ARHGAP8: variants seen among roughly 807,000 people sequenced by gnomAD.
The protein encoded by ARHGAP8 is rho GTPase-activating protein 8.
Under a neutral mutation model 46.1 loss-of-function variants are expected in ARHGAP8, and 62 were observed. The ratio of observed to expected loss-of-function variants is 1.34; its 90% CI spans 1.10 to 1.66. ARHGAP8 has a LOEUF of 1.66. Ranked by LOEUF, ARHGAP8 falls within the 40% of genes most tolerant of loss-of-function variation. The pLI is 0.00. For missense variants in ARHGAP8, 923 were observed against 568.4 expected, an observed-to-expected ratio of 1.62 and a Z score of -6.34; for synonymous variants, 375 against 243.1, an observed-to-expected ratio of 1.54 and a Z score of -5.05.
At chr22:44,817,631 C>A (rs774743041) in intron 5 of ARHGAP8, among the ~76,000 whole-genome samples, 4 of 151,636 alleles carry the variant, frequency 2.6e-5, no homozygotes, top group Non-Finnish European at 4.4e-5. Context: ...TGGCAAAACC[C>A]CGTCTCTACT....
At chr22:44,820,079 C>G (rs1041853186) in intron 5 of ARHGAP8, among the ~76,000 whole-genome samples, 1 of 111,598 alleles carries the variant, frequency 9.0e-6, no homozygotes, top group African/African-American at 3.8e-5. Context: ...AACTCTGAGG[C>G]CCTGGGTCTC....
intron 11 of ARHGAP8, among the ~76,000 whole-genome samples, chr22:44,861,453 T>TGGGGGGACCGGCAGCC (rs1365961391): frequency 6.7e-6 from 1 of 149,140 alleles, no homozygotes; most frequent in Non-Finnish European, 1.5e-5. Flanking sequence ...TGCAACGGGC[T>TGGGGGGACCGGCAGCC]TGGGGGACCG....
chr22:44,763,270 G>C (rs1925282202), intron 1 of ARHGAP8, among the ~76,000 whole-genome samples: 1 of 151,930 alleles, frequency 6.6e-6, no homozygotes, highest in African/African-American at 2.4e-5. Flanking sequence ...GCCAAGGCGG[G>C]TGGATCACTT....
intron 2 of ARHGAP8, among the ~76,000 whole-genome samples, chr22:44,793,511 C>CA (rs556476724): frequency 9.2e-5 from 14 of 152,128 alleles, no homozygotes; most frequent in Non-Finnish European, 1.9e-4. Flanking sequence ...TCCACTTTTG[C>CA]AAAAATGGTT....
chr22:44,806,949 C>A (rs1238125161), intron 3 of ARHGAP8, among the ~76,000 whole-genome samples: 4 of 121,586 alleles, frequency 3.3e-5, no homozygotes, highest in South Asian at 2.6e-4. Context: ...GGGTGACAGA[C>A]TCTGTCTCAA....
intron 1 of ARHGAP8, among the ~76,000 whole-genome samples, chr22:44,759,214 G>A (rs1441450542): frequency 6.6e-6 from 1 of 152,204 alleles, no homozygotes; most frequent in Admixed American, 6.5e-5. Context: ...CCAGCCCCGG[G>A]TTGGCTGAGT....
intron 10 of ARHGAP8, among the ~76,000 whole-genome samples, chr22:44,855,931 C>T (rs726170): frequency 0.14 from 21,804 of 152,108 alleles, 1,893 homozygotes; most frequent in African/African-American, 0.25. Context: ...TGCTTGGCTT[C>T]CAGGGAGGCC....
chr22:44,801,675 C>A, intron 2 of ARHGAP8: 1 of 230,170 alleles, frequency 4.3e-6, no homozygotes, highest in Non-Finnish European at 8.6e-6. Flanking sequence ...CCCAGGCCAC[C>A]CTGGCCTCCA....
intron 1 of ARHGAP8, among the ~76,000 whole-genome samples, chr22:44,778,913 C>T (rs1447584013): frequency 1.3e-5 from 2 of 150,194 alleles, no homozygotes; most frequent in African/African-American, 4.9e-5. Context: ...AACTCTCACA[C>T]AGATATAAAA....
chr22:44,795,522 C>T (rs956052809), intron 2 of ARHGAP8, among the ~76,000 whole-genome samples: 1 of 152,108 alleles, frequency 6.6e-6, no homozygotes, highest in African/African-American at 2.4e-5. Context: ...CCCCTCCCCA[C>T]ACTACCCCAG....
chr22:44,859,959 C>G (rs996238856), intron 11 of ARHGAP8, 125 bp downstream of exon 11: 14 of 1,116,966 alleles, frequency 1.3e-5, no homozygotes, highest in Non-Finnish European at 1.8e-5. Flanking sequence ...CCTCGGAATA[C>G]CACTCCCTGC....
At chr22:44,782,967 G>A (rs113534842) in intron 1 of ARHGAP8, among the ~76,000 whole-genome samples, 2,253 of 152,224 alleles carry the variant, frequency 0.015, 63 homozygotes, top group African/African-American at 0.051. Context: ...GGGTGTCCAC[G>A]TGGCTAACGT....
At chr22:44,841,692 G>A (rs1931662981) in intron 7 of ARHGAP8, among the ~76,000 whole-genome samples, 1 of 152,224 alleles carries the variant, frequency 6.6e-6, no homozygotes, top group African/African-American at 2.4e-5. Flanking sequence ...CCATGTACCT[G>A]CATTTTGGTA....
intron 7 of ARHGAP8, among the ~76,000 whole-genome samples, chr22:44,831,772 T>C (rs1224536561): frequency 6.6e-6 from 1 of 152,150 alleles, no homozygotes; most frequent in Non-Finnish European, 1.5e-5. Context: ...CCAATAAACA[T>C]GAGGGTTTAT....
At chr22:44,852,912 C>G (rs1373150421) in intron 10 of ARHGAP8, among the ~76,000 whole-genome samples, 2 of 152,196 alleles carry the variant, frequency 1.3e-5, no homozygotes, top group Admixed American at 6.5e-5. Flanking sequence ...AAGCCTTTCT[C>G]CTGCCCCAGC....
intron 7 of ARHGAP8, among the ~76,000 whole-genome samples, chr22:44,833,255 C>A (rs1397499573): frequency 6.6e-6 from 1 of 151,904 alleles, no homozygotes; most frequent in Admixed American, 6.6e-5. Flanking sequence ...TACTACCATG[C>A]CTGGTTAATT....
chr22:44,762,944 G>A (rs1487308566), intron 1 of ARHGAP8, among the ~76,000 whole-genome samples: 1 of 152,154 alleles, frequency 6.6e-6, no homozygotes, highest in Non-Finnish European at 1.5e-5. Context: ...AGAGGAACCA[G>A]CCATGAGATT....
intron 1 of ARHGAP8, among the ~76,000 whole-genome samples, chr22:44,769,678 G>T (rs1336328147): frequency 6.6e-6 from 1 of 151,964 alleles, no homozygotes; most frequent in Non-Finnish European, 1.5e-5. Context: ...CACTTCTTTT[G>T]TTCTCTCTCT....
intron 3 of ARHGAP8, among the ~76,000 whole-genome samples, chr22:44,806,502 C>G (rs1928929837): frequency 6.6e-6 from 1 of 152,086 alleles, no homozygotes; most frequent in Non-Finnish European, 1.5e-5. Flanking sequence ...CCAGCTCTGC[C>G]CCTTACTGAT....
Sources: gnomAD v4.1 joint callset for allele counts (sites outside exome capture counted in the v4.1 genomes callset) on GRCh38, gnomAD v4.1.1 for gene constraint, MANE v1.5 for transcripts, NCBI Gene and HGNC (gene_info 2026-07-23, HGNC 2026-07-21) for gene names.